Variants in CNTN5 observed in about 807,000 individuals in gnomAD.
CNTN5 encodes contactin 5, also known as contactin-5.
Under a neutral mutation model 129.1 loss-of-function variants are expected in CNTN5, and 77 were observed. The ratio of observed to expected loss-of-function variants is 0.60; its 90% CI spans 0.50 to 0.72. CNTN5 has a LOEUF of 0.72. Ranked by LOEUF, CNTN5 falls within the 30% of genes least tolerant of loss-of-function variation. CNTN5 has a pLI of 0.00. For synonymous variants in CNTN5, 509 were observed against 465.6 expected (o/e 1.09, Z -1.20); for missense variants, 1,478 against 1,328.8 (o/e 1.11, Z -1.75).
intron 3 of CNTN5, among the ~76,000 whole-genome samples, chr11:99,609,483 A>G (rs1239467410): frequency 6.6e-6 from 1 of 152,136 alleles, no homozygotes; most frequent in Non-Finnish European, 1.5e-5. Flanking sequence ...GCCTAATGTA[A>G]TCATTAATGT....
chr11:99,082,284 C>T (rs1370200060), intron 1 of CNTN5, among the ~76,000 whole-genome samples: 1 of 150,746 alleles, frequency 6.6e-6, no homozygotes, highest in African/African-American at 2.4e-5. Flanking sequence ...CTCCTGGGTT[C>T]AAGCTATTCT....
intron 1 of CNTN5, among the ~76,000 whole-genome samples, chr11:99,188,794 T>C (rs1432435046): frequency 6.6e-6 from 1 of 151,868 alleles, no homozygotes; most frequent in East Asian, 1.9e-4. Flanking sequence ...GTATACATTG[T>C]GGTATGTCTT....
At chr11:99,428,310 A>T (rs1403933526) in intron 2 of CNTN5, among the ~76,000 whole-genome samples, 1 of 152,104 alleles carries the variant, frequency 6.6e-6, no homozygotes, top group African/African-American at 2.4e-5. Context: ...TTTTAATCCC[A>T]GCACTTCGGA....
intron 13 of CNTN5, among the ~76,000 whole-genome samples, chr11:100,170,211 G>A (rs569061301): frequency 5.3e-5 from 8 of 152,020 alleles, no homozygotes; most frequent in African/African-American, 1.9e-4. Flanking sequence ...CTCTCATTTT[G>A]CAAATAGATT....
intron 3 of CNTN5, among the ~76,000 whole-genome samples, chr11:99,602,169 A>G (rs987933575): frequency 1.3e-5 from 2 of 152,096 alleles, no homozygotes; most frequent in Non-Finnish European, 2.9e-5. Flanking sequence ...AATAGTTACC[A>G]TGAGATAGAG....
At chr11:99,992,821 A>T (rs1156364883) in intron 8 of CNTN5, among the ~76,000 whole-genome samples, 2 of 152,206 alleles carry the variant, frequency 1.3e-5, no homozygotes, top group African/African-American at 2.4e-5. Flanking sequence ...TTCAGCTGGA[A>T]GGCTTCTGTT....
intron 2 of CNTN5, among the ~76,000 whole-genome samples, chr11:99,425,167 T>G (rs1353803162): frequency 1.3e-5 from 2 of 152,130 alleles, no homozygotes; most frequent in African/African-American, 4.8e-5. Context: ...AGGGAAAAAT[T>G]GTGTGCTGAT....
chr11:99,183,902 C>T (rs1858209450), intron 1 of CNTN5, among the ~76,000 whole-genome samples: 1 of 152,036 alleles, frequency 6.6e-6, no homozygotes, highest in Non-Finnish European at 1.5e-5. Flanking sequence ...TTTAATTACC[C>T]ATTCTGTTGC....
chr11:100,230,938 G>A (rs1454764996), intron 16 of CNTN5, among the ~76,000 whole-genome samples: 4 of 152,168 alleles, frequency 2.6e-5, no homozygotes, highest in Non-Finnish European at 5.9e-5. Context: ...CTTAACCTAT[G>A]TTTCTTACAC....
At chr11:99,663,693 C>T (rs1014748710) in intron 3 of CNTN5, among the ~76,000 whole-genome samples, 2 of 152,084 alleles carry the variant, frequency 1.3e-5, no homozygotes, top group African/African-American at 4.8e-5. Context: ...CGAGCTCTTA[C>T]CCCTTTGCTC....
chr11:99,392,202 T>A (rs1245869964), intron 2 of CNTN5, among the ~76,000 whole-genome samples: 1 of 151,156 alleles, frequency 6.6e-6, no homozygotes, highest in Non-Finnish European at 1.5e-5. Context: ...TTGTACTCAA[T>A]AAATAATAAA....
At chr11:99,506,726 A>G (rs1173908314) in intron 2 of CNTN5, among the ~76,000 whole-genome samples, 1 of 152,158 alleles carries the variant, frequency 6.6e-6, no homozygotes, top group Non-Finnish European at 1.5e-5. Context: ...TACTGTTTTA[A>G]TTGTTATTGT....
At chr11:99,635,669 T>C (rs755518838) in intron 3 of CNTN5, among the ~76,000 whole-genome samples, 2 of 151,994 alleles carry the variant, frequency 1.3e-5, no homozygotes, top group African/African-American at 4.8e-5. Context: ...TGTATAGGTG[T>C]GAAAACAAAG....
At chr11:99,556,388 A>G (rs991124415) in intron 3 of CNTN5, 119 bp downstream of exon 3, 10 of 557,508 alleles carry the variant, frequency 1.8e-5, no homozygotes, top group Non-Finnish European at 2.4e-5. Flanking sequence ...CAGTATTTAT[A>G]CTTTCCAACA....
At chr11:100,117,442 C>CA (rs1945876995) in intron 13 of CNTN5, among the ~76,000 whole-genome samples, 1 of 151,950 alleles carries the variant, frequency 6.6e-6, no homozygotes, top group Non-Finnish European at 1.5e-5. Context: ...TAGCAGAACA[C>CA]AAAATCTATG....
chr11:99,861,351 A>C (rs1391447578), intron 6 of CNTN5, among the ~76,000 whole-genome samples: 3 of 152,180 alleles, frequency 2.0e-5, no homozygotes, highest in African/African-American at 7.2e-5. Flanking sequence ...ATGTATTCCG[A>C]AGTATTTTTT....
intron 3 of CNTN5, among the ~76,000 whole-genome samples, chr11:99,737,228 A>G (rs1943741697): frequency 6.6e-6 from 1 of 151,994 alleles, no homozygotes; most frequent in Admixed American, 6.6e-5. Flanking sequence ...TCTTACCATG[A>G]ATTTCTTTAC....
chr11:99,168,513 G>T (rs1356060779), intron 1 of CNTN5, among the ~76,000 whole-genome samples: 1 of 152,206 alleles, frequency 6.6e-6, no homozygotes. Context: ...CCAGGAGGCA[G>T]AGGTTGCAGT....
At chr11:99,874,275 C>G (rs756256167) in intron 6 of CNTN5, among the ~76,000 whole-genome samples, 1 of 152,146 alleles carries the variant, frequency 6.6e-6, no homozygotes, top group Non-Finnish European at 1.5e-5. Flanking sequence ...CTTTCCTTTT[C>G]TTAAACTCAT....
Sources: allele counts gnomAD v4.1 joint callset (sites outside exome capture counted in the v4.1 genomes callset), GRCh38; gene constraint gnomAD v4.1.1; transcripts MANE v1.5; gene names NCBI Gene and HGNC (gene_info 2026-07-23, HGNC 2026-07-21).